The following OSBP2 variants were observed in gnomAD, a reference collection of about 807,000 sequenced individuals.
OSBP2 encodes the protein oxysterol-binding protein 2.
A neutral mutation model predicts 96.0 loss-of-function variants in OSBP2; 66 were observed. The ratio of observed to expected loss-of-function variants is 0.69; its 90% CI spans 0.56 to 0.84. The LOEUF is 0.84. Ranked by LOEUF, OSBP2 falls within the 40% of genes least tolerant of loss-of-function variation. The pLI is 0.00. For synonymous variants in OSBP2, 525 were observed against 520.9 expected (o/e 1.01, Z -0.11); for missense variants, 1,038 against 1,222.7 (o/e 0.85, Z 2.25).
intron 2 of OSBP2, among the ~76,000 whole-genome samples, chr22:30,758,594 A>T (rs2145768372): frequency 6.6e-6 from 1 of 152,238 alleles, no homozygotes; most frequent in South Asian, 2.1e-4. Flanking sequence ...GAGCAGACAG[A>T]GAAAACTCCT....
At chr22:30,787,459 G>A (rs2090608504) in intron 2 of OSBP2, among the ~76,000 whole-genome samples, 1 of 151,990 alleles carries the variant, frequency 6.6e-6, no homozygotes, top group African/African-American at 2.4e-5. Context: ...GATCATTTGG[G>A]GTCAGGAGTT....
rs959140230 is a variant in OSBP2 at position 30,741,105 on chromosome 22, G to A, written c.645-56G>A. On this transcript the variant is annotated intron_variant, in intron 1 of 13. Coordinates refer to ENST00000332585, the MANE Select transcript of OSBP2 (RefSeq NM_030758.4). ...AGGATTTGCCTGGAGGGTTTCTTTA[G>A]TCTGGAGCCATTGAGATTAGGAGCC... 7.2e-6 allele frequency: 10 copies of A among 1,379,664 alleles called. No homozygotes were observed. The African/African-American group carries it at 1.4e-4, about 20-fold the overall frequency. The allele number at this position is 1,379,664 out of a possible 1,614,324, so 85.5% of individuals were successfully genotyped here.
At chr22:30,739,140 C>T (rs922630372) in intron 1 of OSBP2, among the ~76,000 whole-genome samples, 2 of 152,158 alleles carry the variant, frequency 1.3e-5, no homozygotes, top group South Asian at 2.1e-4. Context: ...GTTGGATCTC[C>T]GTTTTCCGAC....
intron 2 of OSBP2, among the ~76,000 whole-genome samples, chr22:30,782,966 A>G (rs1244935745): frequency 6.6e-6 from 1 of 151,848 alleles, no homozygotes; most frequent in Non-Finnish European, 1.5e-5. Flanking sequence ...TCTCCTGATG[A>G]GCAATACTTA....
At chr22:30,863,811 C>T (rs2039274856) in intron 2 of OSBP2, among the ~76,000 whole-genome samples, 1 of 152,142 alleles carries the variant, frequency 6.6e-6, no homozygotes. Context: ...ACACAGCAGC[C>T]CCTATACTGC....
At chr22:30,738,407 G>A (rs1186088565) in intron 1 of OSBP2, among the ~76,000 whole-genome samples, 1 of 152,098 alleles carries the variant, frequency 6.6e-6, no homozygotes, top group Non-Finnish European at 1.5e-5. Flanking sequence ...AGCTTCACCA[G>A]TTTTCTAAAT....
At chr22:30,783,592 T>C (rs1331234782) in intron 2 of OSBP2, among the ~76,000 whole-genome samples, 1 of 152,004 alleles carries the variant, frequency 6.6e-6, no homozygotes, top group Non-Finnish European at 1.5e-5. Flanking sequence ...AAAGTGCTGG[T>C]ATTACTGACG....
At chr22:30,777,104 C>T (rs1455166915) in intron 2 of OSBP2, among the ~76,000 whole-genome samples, 1 of 152,192 alleles carries the variant, frequency 6.6e-6, no homozygotes, top group Non-Finnish European at 1.5e-5. Context: ...TGCCTTGTCT[C>T]AGATGAGACT....
chr22:30,713,068 A>G (rs1602157491), intron 1 of OSBP2, among the ~76,000 whole-genome samples: 1 of 131,228 alleles, frequency 7.6e-6, no homozygotes, highest in Non-Finnish European at 1.6e-5. Flanking sequence ...GTGCATCACC[A>G]CACTTGGCTA....
intron 3 of OSBP2, among the ~76,000 whole-genome samples, chr22:30,882,189 G>A (rs2039717457): frequency 6.6e-6 from 1 of 152,204 alleles, no homozygotes; most frequent in Non-Finnish European, 1.5e-5. Flanking sequence ...CCTTCTCCCT[G>A]AGGCTAGGGC....
chr22:30,902,890 TCC>T lies in OSBP2; in HGVS notation c.2376-2944_2376-2943del, dbSNP rs541431367. 230 of 275,806 alleles carry T rather than the reference TCC, an allele frequency of 8.3e-4. 1 individual carries two copies. The highest frequency in any genetic ancestry group is 4.7e-3 in the African/African-American group (210 of 44,938). 17.1% of individuals were successfully genotyped at this position (275,806 alleles called of 1,614,324 possible). ...TCCACTCCCATACCTGCCACTGGCC[TCC>T]CCACAGTGGAAACACAGCTTGTTGT... On this transcript the variant is annotated intron_variant, in intron 12 of 13. Transcript: ENST00000332585.
At chr22:30,717,597 T>G (rs1278584584) in intron 1 of OSBP2, among the ~76,000 whole-genome samples, 1 of 152,178 alleles carries the variant, frequency 6.6e-6, no homozygotes, top group Non-Finnish European at 1.5e-5. Context: ...GCCCTGTACT[T>G]ACAAAAAGAA....
chr22:30,828,156 A>G (rs2038443193), intron 2 of OSBP2, among the ~76,000 whole-genome samples: 1 of 152,236 alleles, frequency 6.6e-6, no homozygotes, highest in Non-Finnish European at 1.5e-5. Context: ...GTCATTAGAA[A>G]GAGGCTAAAT....
At chr22:30,712,167 G>T (rs868083940) in intron 1 of OSBP2, among the ~76,000 whole-genome samples, 1 of 152,094 alleles carries the variant, frequency 6.6e-6, no homozygotes, top group African/African-American at 2.4e-5. Context: ...TTTACCATTG[G>T]TAGTTTTTGC....
intron 2 of OSBP2, among the ~76,000 whole-genome samples, chr22:30,824,811 C>G (rs918981963): frequency 6.6e-6 from 1 of 152,124 alleles, no homozygotes; most frequent in Non-Finnish European, 1.5e-5. Context: ...TCCGGGATGC[C>G]GAGGGATGAG....
At chr22:30,862,146 C>A (rs1334152173) in intron 2 of OSBP2, among the ~76,000 whole-genome samples, 4 of 152,260 alleles carry the variant, frequency 2.6e-5, no homozygotes, top group Non-Finnish European at 5.9e-5. Context: ...CTCTCCTTCT[C>A]CATTGCCTGA....
chr22:30,904,042 G>C (rs1458591737), intron 12 of OSBP2, among the ~76,000 whole-genome samples: 1 of 152,198 alleles, frequency 6.6e-6, no homozygotes, highest in Non-Finnish European at 1.5e-5. Context: ...TTAGGCTTTT[G>C]AGCTTGAACG....
chr22:30,717,090 T>TTTTTTTTTTTG (rs71328866), intron 1 of OSBP2, among the ~76,000 whole-genome samples: 1 of 118,320 alleles, frequency 8.5e-6, no homozygotes, highest in African/African-American at 3.2e-5. Context: ...TTTACTGTTT[T>TTTTTTTTTTTG]TGTGTGTGTG....
At chr22:30,849,929 TGTA>T (rs946313282) in intron 2 of OSBP2, among the ~76,000 whole-genome samples, 1 of 152,232 alleles carries the variant, frequency 6.6e-6, no homozygotes, top group African/African-American at 2.4e-5. Context: ...TTTTGCCATA[TGTA>T]TATTTAGTTG....
Sources: allele counts gnomAD v4.1 joint callset (sites outside exome capture counted in the v4.1 genomes callset), GRCh38; gene constraint gnomAD v4.1.1; transcripts MANE v1.5; gene names NCBI Gene and HGNC (gene_info 2026-07-23, HGNC 2026-07-21).